Variants in ESR1 observed in about 807,000 individuals in gnomAD.
The protein encoded by ESR1 is estrogen receptor.
A neutral mutation model predicts 52.7 loss-of-function variants in ESR1; 12 were observed. The observed-to-expected ratio is 0.23, with a 90% CI of 0.15 to 0.37. The LOEUF is 0.37. Ranked by LOEUF, ESR1 falls within the 10% of genes least tolerant of loss-of-function variation. ESR1 has a pLI of 1.00. For missense variants in ESR1, 584 were observed against 779.7 expected (o/e 0.75, Z 2.99); for synonymous variants, 305 against 316.8 (o/e 0.96, Z 0.39).
At chr6:151,967,379 C>T (rs1292085352) in intron 4 of ESR1, among the ~76,000 whole-genome samples, 1 of 152,142 alleles carries the variant, frequency 6.6e-6, no homozygotes, top group African/African-American at 2.4e-5. Context: ...GTTTCCCTCC[C>T]TGTGTCCATG....
rs142712237 is a variant in ESR1, at chr6:151,988,219, T to G, written c.1097-23437T>G. On this transcript the variant is annotated intron_variant, in intron 4 of 7. Coordinates refer to ENST00000206249, the MANE Select transcript of ESR1 (RefSeq NM_000125.4). ...ATAGAATCAATGGGAGCCTTGAGCT[T>G]CTTTTCCTGCAACTAGACGGTCCCA... Among the ~76,000 whole-genome samples, 194 of 152,248 alleles carry G rather than the reference T, an allele frequency of 1.3e-3. 3 individuals carry two copies. Among genetic ancestry groups the G allele is most frequent in the African/African-American group, 4.3e-3 (180 of 41,490 alleles).
intron 2 of ESR1, among the ~76,000 whole-genome samples, chr6:151,777,816 C>T (rs773846970): frequency 5.9e-5 from 9 of 151,952 alleles, no homozygotes; most frequent in Non-Finnish European, 5.9e-5. Context: ...AAAAATTAGC[C>T]GGGCACGGTG....
At chr6:152,046,956 T>C (rs940277083) in intron 5 of ESR1, among the ~76,000 whole-genome samples, 2 of 152,200 alleles carry the variant, frequency 1.3e-5, no homozygotes, top group African/African-American at 4.8e-5. Context: ...TAGAACACTT[T>C]TTCCTAGCCT....
intron 4 of ESR1, among the ~76,000 whole-genome samples, chr6:151,988,159 A>G (rs558227896): frequency 6.6e-6 from 1 of 152,118 alleles, no homozygotes; most frequent in South Asian, 2.1e-4. Context: ...TTACATTGCA[A>G]TACATAAGGA....
intron 5 of ESR1, among the ~76,000 whole-genome samples, chr6:152,013,571 T>A (rs942518315): frequency 4.6e-5 from 7 of 152,152 alleles, no homozygotes; most frequent in African/African-American, 1.7e-4. Context: ...CACACTTGCT[T>A]GAGGACAGTC....
intron 4 of ESR1, among the ~76,000 whole-genome samples, chr6:151,995,276 T>C (rs1487001660): frequency 2.0e-5 from 3 of 152,186 alleles, no homozygotes; most frequent in Admixed American, 2.0e-4. Flanking sequence ...TTTGCCTTTC[T>C]TCCTTCTCCT....
intron 1 of ESR1, among the ~76,000 whole-genome samples, chr6:151,828,996 T>C (rs1440598965): frequency 6.6e-6 from 1 of 152,254 alleles, no homozygotes; most frequent in Non-Finnish European, 1.5e-5. Context: ...AGTTTTAACT[T>C]TCGCATCAAA....
At chr6:151,806,000 T>C (rs1777777533), upstream of ESR1, among the ~76,000 whole-genome samples, 1 of 152,206 alleles carries the variant, frequency 6.6e-6, no homozygotes, top group African/African-American at 2.4e-5. Context: ...GCATATAATT[T>C]GGCAGGTTCA....
intron 1 of ESR1, chr6:151,809,321 C>G (rs1262911586): frequency 3.2e-6 from 1 of 313,904 alleles, no homozygotes. Context: ...TGTTCTTTCT[C>G]CCTCTCCTCT....
At chr6:151,824,483 C>A (rs1208740062) in intron 1 of ESR1, among the ~76,000 whole-genome samples, 2 of 152,136 alleles carry the variant, frequency 1.3e-5, no homozygotes, top group African/African-American at 4.8e-5. Context: ...TTAATTAGAT[C>A]CCATTTGTCA....
intron 3 of ESR1, among the ~76,000 whole-genome samples, chr6:151,917,314 G>A (rs1196696209): frequency 1.3e-5 from 2 of 152,282 alleles, no homozygotes; most frequent in Non-Finnish European, 2.9e-5. Context: ...CTTGGCTACA[G>A]AATGCCAACC....
intron 2 of ESR1, among the ~76,000 whole-genome samples, chr6:151,777,552 A>G (rs75700418): frequency 0.087 from 13,238 of 152,194 alleles, 700 homozygotes; most frequent in African/African-American, 0.1. Flanking sequence ...TGCAGAGGGA[A>G]TTGTGGTTAA....
chr6:151,922,939 A>G (rs769638250), intron 3 of ESR1, among the ~76,000 whole-genome samples: 37 of 152,216 alleles, frequency 2.4e-4, no homozygotes, highest in Non-Finnish European at 4.6e-4. Flanking sequence ...AGCATGGAAC[A>G]TTCTAGCCTT....
intron 2 of ESR1, among the ~76,000 whole-genome samples, chr6:151,720,622 G>A (rs139538354): frequency 1.9e-4 from 29 of 152,132 alleles, no homozygotes; most frequent in African/African-American, 6.3e-4. Flanking sequence ...TTTTGATCAC[G>A]AAACTCTTTA....
intron 3 of ESR1, among the ~76,000 whole-genome samples, chr6:151,933,336 A>G (rs1486443883): frequency 6.6e-6 from 1 of 151,052 alleles, no homozygotes; most frequent in African/African-American, 2.4e-5. Flanking sequence ...GTTGCTTATC[A>G]GCTGAAGGAG....
In ESR1 at chr6:151,749,994, T is replaced by G. The variant is rs561501978; in HGVS notation, c.-71+47989T>G. ...TTTATGTAAGGTGTTAATTGACATG[T>G]CAGGTTTTAAATACAAAAGGAATGA... On this transcript the variant is annotated intron_variant, in intron 2 of 2. Transcript: ENST00000404742. 2.6e-5 allele frequency among the ~76,000 whole-genome samples: 4 copies of G among 152,316 alleles called. No individual in the cohort carries two copies. In the South Asian group the frequency reaches 6.2e-4, roughly 24 times the overall value.
chr6:152,015,238 C>T (rs1195271140), intron 5 of ESR1, among the ~76,000 whole-genome samples: 1 of 152,136 alleles, frequency 6.6e-6, no homozygotes, highest in East Asian at 1.9e-4. Context: ...TCTTCCATTG[C>T]TTCTGAGAGA....
chr6:151,705,826 C>T (rs1428883509), intron 2 of ESR1, among the ~76,000 whole-genome samples: 1 of 152,110 alleles, frequency 6.6e-6, no homozygotes, highest in African/African-American at 2.4e-5. Context: ...ATTTATCAGT[C>T]TGGGTGTGTG....
intron 3 of ESR1, among the ~76,000 whole-genome samples, chr6:151,931,268 C>A (rs2128485423): frequency 6.6e-6 from 1 of 152,148 alleles, no homozygotes; most frequent in African/African-American, 2.4e-5. Flanking sequence ...TCTTTCAGCT[C>A]ACTGATTATT....
Sources: gnomAD v4.1 joint callset for allele counts (sites outside exome capture counted in the v4.1 genomes callset) on GRCh38, gnomAD v4.1.1 for gene constraint, MANE v1.5 for transcripts, NCBI Gene and HGNC (gene_info 2026-07-23, HGNC 2026-07-21) for gene names.